The following NCKAP5 variants were observed in gnomAD, a reference collection of about 807,000 sequenced individuals.
The protein encoded by NCKAP5 is nck-associated protein 5.
NCKAP5 carries 92 observed loss-of-function variants against 167.0 expected under a neutral mutation model. That is an observed-to-expected ratio of 0.55 (90% CI 0.47 to 0.66). The LOEUF is 0.66. Ranked by LOEUF, NCKAP5 falls within the 30% of genes least tolerant of loss-of-function variation. The pLI, the probability that NCKAP5 is intolerant of heterozygous loss-of-function variation, is 0.00. For missense variants in NCKAP5, 2,378 were observed against 2,315.0 expected (o/e 1.03, Z -0.56); for synonymous variants, 891 against 877.4 (o/e 1.02, Z -0.27).
rs539270960 is a variant in NCKAP5 at position 133,002,078 on chromosome 2, C to T, written c.342-7839G>A. Reference sequence around the variant, plus strand: ...AGCATCCCCAGATTCTGGTATCTGACGAGGGGTCCTGGAATCGATCCCCCA... The same window carrying T: ...AGCATCCCCAGATTCTGGTATCTGATGAGGGGTCCTGGAATCGATCCCCCA... On this transcript the variant is annotated intron_variant, in intron 6 of 19. Transcript: ENST00000409261. Among the ~76,000 whole-genome samples, 14 of 152,188 alleles carry T rather than the reference C, an allele frequency of 9.2e-5. No individual in the cohort carries two copies. In the South Asian group the frequency reaches 1.7e-3, roughly 18 times the overall value.
intron 5 of NCKAP5, among the ~76,000 whole-genome samples, chr2:133,134,709 C>T (rs1014913887): frequency 1.3e-5 from 2 of 152,194 alleles, no homozygotes; most frequent in African/African-American, 4.8e-5. Context: ...CAACAGAGCT[C>T]AAACTGAGCC....
At chr2:133,468,671 T>A (rs1364667464) in intron 3 of NCKAP5, among the ~76,000 whole-genome samples, 3 of 152,138 alleles carry the variant, frequency 2.0e-5, no homozygotes, top group Admixed American at 1.3e-4. Flanking sequence ...CACTCAGGAG[T>A]TGCTTTATGA....
At position 133,414,540 on chromosome 2, in the gene NCKAP5, A is replaced by G. The variant is rs1466845893; in HGVS notation, c.69+102918T>C. ...GTTGCACCAAAAAAAAGCAACTCAC[A>G]TTACTCAAAAAAAAGCATTATATTG... is the stretch of plus-strand genomic sequence containing the variant. On this transcript the variant is annotated intron_variant, in intron 3 of 19. Coordinates refer to ENST00000409261, the MANE Select transcript of NCKAP5 (RefSeq NM_207363.3). 2.0e-5 allele frequency among the ~76,000 whole-genome samples: 3 copies of G among 152,186 alleles called. No individual in the cohort carries two copies. In the East Asian group the frequency reaches 5.8e-4, roughly 29 times the overall value.
At chr2:133,436,829 T>C (rs568359428) in intron 3 of NCKAP5, among the ~76,000 whole-genome samples, 14 of 152,294 alleles carry the variant, frequency 9.2e-5, no homozygotes, top group African/African-American at 3.4e-4. Flanking sequence ...GGATGCCCCG[T>C]TGCCTATGAG....
intron 11 of NCKAP5, among the ~76,000 whole-genome samples, chr2:132,842,378 A>C (rs953244323): frequency 2.6e-5 from 4 of 152,108 alleles, no homozygotes; most frequent in Non-Finnish European, 4.4e-5. Context: ...GGGAATATAC[A>C]TACATATATA....
intron 7 of NCKAP5, among the ~76,000 whole-genome samples, chr2:132,971,099 T>C (rs116239381): frequency 0.013 from 2,039 of 152,332 alleles, 39 homozygotes; most frequent in African/African-American, 0.047. Flanking sequence ...AATACACGTG[T>C]GGCCCCTGTT....
At chr2:133,231,127 G>C (rs1193862222) in intron 4 of NCKAP5, among the ~76,000 whole-genome samples, 2 of 152,136 alleles carry the variant, frequency 1.3e-5, no homozygotes, top group African/African-American at 4.8e-5. Flanking sequence ...TCATTTTAGT[G>C]ACAAGAAATG....
At chr2:133,126,761 T>G (rs2082416913) in intron 6 of NCKAP5, among the ~76,000 whole-genome samples, 1 of 152,232 alleles carries the variant, frequency 6.6e-6, no homozygotes, top group African/African-American at 2.4e-5. Context: ...GTTTCTTTTT[T>G]TCTTTTGATC....
In NCKAP5 at chr2:132,796,645, T is replaced by C; in HGVS notation, c.892A>G (p.Thr298Ala). ...ERNRSLTQSRTDAEVHEHQLN... is the reference protein window; with the variant it reads ...ERNRSLTQSRADAEVHEHQLN... ...AAACTCACGTGCACCTCAGCATCAG[T>C]TCGTGACTGTGTCAGACTTCGGTTT... Residue 298 changes from threonine (T) to alanine (A), a missense_variant, in exon 12 of 20, where the codon ACT becomes GCT. Thr to Ala is a moderately conservative substitution (Grantham distance 58). This residue lies in a region of NCKAP5 where 1,049 missense variants were observed against 1,023.4 expected (regional missense o/e 1.02). Transcript: ENST00000409261. 6.2e-7 allele frequency: 1 copy of C among 1,613,010 alleles called. No homozygotes were observed. Among genetic ancestry groups the C allele is most frequent in the Non-Finnish European group, 8.5e-7 (1 of 1,179,418 alleles).
At chr2:133,155,303 C>T (rs1433201766) in intron 5 of NCKAP5, among the ~76,000 whole-genome samples, 3 of 152,168 alleles carry the variant, frequency 2.0e-5, no homozygotes, top group Non-Finnish European at 4.4e-5. Context: ...ACATCAAAAT[C>T]ACACAGATGA....
chr2:133,322,650 C>T (rs1574698844), intron 3 of NCKAP5, among the ~76,000 whole-genome samples: 4 of 152,238 alleles, frequency 2.6e-5, no homozygotes, highest in Admixed American at 2.6e-4. Flanking sequence ...ACCACCCATC[C>T]AGGATATTCT....
chr2:133,558,339 A>G (rs1687894507), intron 2 of NCKAP5: 1 of 152,258 alleles, frequency 6.6e-6, no homozygotes, highest in African/African-American at 2.4e-5. Flanking sequence ...GAGATAAATG[A>G]AGATGAGGAG....
chr2:133,032,968 A>C (rs1407527196), intron 6 of NCKAP5, among the ~76,000 whole-genome samples: 1 of 152,178 alleles, frequency 6.6e-6, no homozygotes, highest in Non-Finnish European at 1.5e-5. Flanking sequence ...AGCAAGGGGA[A>C]AATCTGCCTC....
chr2:132,940,683 A>C (rs1368215309), intron 8 of NCKAP5, among the ~76,000 whole-genome samples: 2 of 152,142 alleles, frequency 1.3e-5, no homozygotes, highest in African/African-American at 2.4e-5. Flanking sequence ...TTATGATGAA[A>C]TGTTAAATTT....
chr2:133,274,000 C>A (rs1029259199), intron 4 of NCKAP5, among the ~76,000 whole-genome samples: 3 of 149,590 alleles, frequency 2.0e-5, no homozygotes, highest in Admixed American at 1.3e-4. Context: ...ATCTATAACA[C>A]GCCTTATATT....
intron 4 of NCKAP5, among the ~76,000 whole-genome samples, chr2:133,295,382 C>A (rs1426662356): frequency 6.6e-6 from 1 of 152,052 alleles, no homozygotes; most frequent in African/African-American, 2.4e-5. Context: ...TGCATATACG[C>A]AGCACATGTT....
chr2:132,743,637 C>G (rs1679393972), intron 16 of NCKAP5, among the ~76,000 whole-genome samples: 1 of 151,310 alleles, frequency 6.6e-6, no homozygotes, highest in South Asian at 2.1e-4. Context: ...AAAGATGAGA[C>G]AATCAGAAAA....
intron 3 of NCKAP5, among the ~76,000 whole-genome samples, chr2:133,409,800 T>C (rs1250882116): frequency 6.6e-6 from 1 of 152,238 alleles, no homozygotes; most frequent in East Asian, 1.9e-4. Context: ...CTGTAAGAGA[T>C]GACTCTATAA....
intron 3 of NCKAP5, among the ~76,000 whole-genome samples, chr2:133,478,334 A>G (rs1439404370): frequency 6.6e-6 from 1 of 152,196 alleles, no homozygotes; most frequent in Non-Finnish European, 1.5e-5. Context: ...CCATTTGATA[A>G]TGAACTTCTT....
Sources: gnomAD v4.1 joint callset for allele counts (sites outside exome capture counted in the v4.1 genomes callset) on GRCh38, gnomAD v4.1.1 for gene constraint, gnomAD v4.1.1 regional missense constraint, MANE v1.5 for transcripts, NCBI Gene and HGNC (gene_info 2026-07-23, HGNC 2026-07-21) for gene names.